The following PSD3 variants were observed in gnomAD, a reference collection of about 807,000 sequenced individuals.
PSD3 encodes pleckstrin and Sec7 domain containing 3.
PSD3 carries 49 observed loss-of-function variants against 105.5 expected under a neutral mutation model. The observed-to-expected ratio is 0.46, with a 90% CI of 0.37 to 0.59. The LOEUF (loss-of-function observed/expected upper bound fraction) is 0.59. PSD3 is among the 20% of genes least tolerant of loss of function. PSD3 has a pLI of 0.00. For synonymous variants in PSD3, 557 were observed against 457.8 expected (o/e 1.22, Z -2.77); for missense variants, 1,561 against 1,263.8 (o/e 1.24, Z -3.57).
At chr8:18,561,532 T>C (rs933521302) in intron 14 of PSD3, among the ~76,000 whole-genome samples, 1 of 152,158 alleles carries the variant, frequency 6.6e-6, no homozygotes, top group African/African-American at 2.4e-5. Flanking sequence ...ATAAATTCTG[T>C]TGTGTATCAT....
chr8:18,842,167 ACACCAACTAG>A (rs1473738421), intron 4 of PSD3, among the ~76,000 whole-genome samples: 4 of 152,226 alleles, frequency 2.6e-5, no homozygotes, highest in African/African-American at 9.6e-5. Flanking sequence ...ACAGAGGATT[ACACCAACTAG>A]CATTTGGCCC....
At chr8:19,070,404 G>C (rs1829214784) in intron 1 of PSD3, among the ~76,000 whole-genome samples, 1 of 148,242 alleles carries the variant, frequency 6.7e-6, no homozygotes, top group Non-Finnish European at 1.5e-5. Flanking sequence ...AATAAAGCTA[G>C]AGAGGCAAGA....
At chr8:18,750,768 G>C (rs909387091) in intron 9 of PSD3, among the ~76,000 whole-genome samples, 1 of 152,056 alleles carries the variant, frequency 6.6e-6, no homozygotes, top group African/African-American at 2.4e-5. Context: ...ACAGAGTATG[G>C]ACACACAGGT....
Position 18,941,732 on chromosome 8 carries a change from G to A in PSD3, c.22-5590C>T, listed in dbSNP as rs909382674. Among the ~76,000 whole-genome samples the A allele has an allele frequency of 4.1e-5, 6 of 145,430 alleles. No homozygotes were observed. The Admixed American group carries it at 4.2e-4, about 10-fold the overall frequency. ...CTGTCACCCAGGCTGGAGTGCAATG[G>A]TACAATCTTGGCTCACTGCAACCTC... On this transcript the variant is annotated intron_variant, in intron 1 of 15. Coordinates refer to ENST00000327040, the MANE Select transcript of PSD3 (RefSeq NM_015310.4).
At chr8:18,751,228 G>C (rs1384200058) in intron 9 of PSD3, among the ~76,000 whole-genome samples, 2 of 152,198 alleles carry the variant, frequency 1.3e-5, no homozygotes. Flanking sequence ...CGAGCACAGC[G>C]CTGGTGGGCC....
chr8:18,667,435 AGCCCTTAGC>A (rs1158045756), intron 9 of PSD3, among the ~76,000 whole-genome samples: 2 of 152,172 alleles, frequency 1.3e-5, no homozygotes, highest in Non-Finnish European at 2.9e-5. Context: ...TGTATTCCCA[AGCCCTTAGC>A]TAGACATGAA....
At chr8:18,850,996 G>T (rs576475485) in intron 4 of PSD3, among the ~76,000 whole-genome samples, 2 of 152,142 alleles carry the variant, frequency 1.3e-5, no homozygotes, top group Non-Finnish European at 2.9e-5. Flanking sequence ...CCACAAAAGC[G>T]AGACAAAGTG....
intron 1 of PSD3, among the ~76,000 whole-genome samples, chr8:18,936,356 C>T (rs564588108): frequency 2.2e-4 from 34 of 152,202 alleles, no homozygotes; most frequent in Non-Finnish European, 4.0e-4. Flanking sequence ...AAAATGTATA[C>T]ATATAAACAT....
intron 9 of PSD3, among the ~76,000 whole-genome samples, chr8:18,747,138 C>G (rs1446534307): frequency 6.6e-6 from 1 of 152,208 alleles, no homozygotes; most frequent in Non-Finnish European, 1.5e-5. Context: ...CCCACATCTT[C>G]AATTCTTAAT....
chr8:18,805,177 C>G (rs376538665), intron 4 of PSD3, among the ~76,000 whole-genome samples: 6 of 152,146 alleles, frequency 3.9e-5, no homozygotes, highest in African/African-American at 1.4e-4. Flanking sequence ...TGGGTTATAC[C>G]TACCGATATT....
chr8:18,995,203 A>G (rs1389887104), intron 1 of PSD3, among the ~76,000 whole-genome samples: 1 of 152,148 alleles, frequency 6.6e-6, no homozygotes, highest in African/African-American at 2.4e-5. Flanking sequence ...ATAGCTCCAA[A>G]GCATGTACTC....
At chr8:18,690,522 C>A (rs1361770288) in intron 9 of PSD3, among the ~76,000 whole-genome samples, 1 of 152,110 alleles carries the variant, frequency 6.6e-6, no homozygotes, top group Non-Finnish European at 1.5e-5. Flanking sequence ...TGGTGGCAGC[C>A]TAGCTTCTTC....
chr8:18,780,137 ATCT>A (rs966027786), intron 8 of PSD3, among the ~76,000 whole-genome samples: 2 of 152,116 alleles, frequency 1.3e-5, no homozygotes, highest in Non-Finnish European at 2.9e-5. Context: ...GAATTGTTTA[ATCT>A]TCTTGCTGAA....
chr8:18,607,743 T>C (rs1396965935), intron 11 of PSD3, among the ~76,000 whole-genome samples: 1 of 145,152 alleles, frequency 6.9e-6, no homozygotes, highest in Non-Finnish European at 1.5e-5. Flanking sequence ...CATTCTCACA[T>C]TGCTAATAAA....
intron 4 of PSD3, among the ~76,000 whole-genome samples, chr8:18,831,152 GCTA>G (rs1286189433): frequency 6.6e-6 from 1 of 151,616 alleles, no homozygotes; most frequent in Non-Finnish European, 1.5e-5. Flanking sequence ...AAATAGGGCA[GCTA>G]CTATTAATCT....
intron 11 of PSD3, among the ~76,000 whole-genome samples, chr8:18,621,634 G>A (rs1019867615): frequency 6.6e-5 from 10 of 151,986 alleles, no homozygotes; most frequent in African/African-American, 1.7e-4. Context: ...GTGCTCCTGC[G>A]CGTTCACATG....
chr8:19,009,852 T>C (rs1323002947), intron 1 of PSD3, among the ~76,000 whole-genome samples: 1 of 151,956 alleles, frequency 6.6e-6, no homozygotes, highest in Non-Finnish European at 1.5e-5. Flanking sequence ...GATCGCACCA[T>C]TGCACTCCAG....
rs17127181 is a variant in PSD3, at chr8:18,787,213, T to C, written c.2082+12082A>G. On this transcript the variant is annotated intron_variant, in intron 8 of 15. Transcript: ENST00000327040. Reference sequence around the variant, plus strand: ...AGTTTTGGATAACTTTGCATAAAAGTAGTTCTGCTCTGAAACAAATGTTGA... The same window carrying C: ...AGTTTTGGATAACTTTGCATAAAAGCAGTTCTGCTCTGAAACAAATGTTGA... 4.6e-3 allele frequency among the ~76,000 whole-genome samples: 708 copies of C among 152,312 alleles called. 6 individuals carry two copies. Among genetic ancestry groups the C allele is most frequent in the African/African-American group, 0.016 (659 of 41,564 alleles).
At chr8:18,742,020 T>C (rs1804619053) in intron 9 of PSD3, among the ~76,000 whole-genome samples, 1 of 151,764 alleles carries the variant, frequency 6.6e-6, no homozygotes, top group South Asian at 2.1e-4. Context: ...TTACCAGGAG[T>C]AATATGAGGA....
Sources: gnomAD v4.1 joint callset for allele counts (sites outside exome capture counted in the v4.1 genomes callset) on GRCh38, gnomAD v4.1.1 for gene constraint, MANE v1.5 for transcripts, NCBI Gene and HGNC (gene_info 2026-07-23, HGNC 2026-07-21) for gene names.